LRRC9: variants seen among roughly 807,000 people sequenced by gnomAD.
LRRC9 encodes leucine-rich repeat-containing protein 9.
Under a neutral mutation model 63.2 loss-of-function variants are expected in LRRC9, and 122 were observed. The ratio of observed to expected loss-of-function variants is 1.93; its 90% CI spans 1.67 to 2.24. The LOEUF is 2.24. LRRC9 is among the 30% of genes most tolerant of loss of function. The pLI, the probability that LRRC9 is intolerant of heterozygous loss-of-function variation, is 0.00. For synonymous variants in LRRC9, 366 were observed against 213.1 expected, an observed-to-expected ratio of 1.72 and a Z score of -6.25; for missense variants, 1,071 against 627.7, an observed-to-expected ratio of 1.71 and a Z score of -7.55.
Position 59,995,908 on chromosome 14 carries a change from A to G in LRRC9, c.2212-1748A>G, listed in dbSNP as rs779209160. ...CAGGTATGCGCCACGATGCCCAGCT[A>G]ATTTTTGTATTTTTCGTAGAGATGG... On this transcript the variant is annotated intron_variant, in intron 17 of 31. Coordinates refer to ENST00000445360, the Ensembl canonical transcript of LRRC9. Among the ~76,000 whole-genome samples, 71 of 151,934 alleles carry G rather than the reference A, an allele frequency of 4.7e-4. 1 individual carries two copies. Among genetic ancestry groups the G allele is most frequent in the Admixed American group, 7.2e-4 (11 of 15,252 alleles).
chr14:59,931,139 G>T (rs1889668605), intron 4 of LRRC9, 81 bp downstream of exon 4: 1 of 309,680 alleles, frequency 3.2e-6, no homozygotes, highest in Middle Eastern at 6.7e-4. Flanking sequence ...AGATCATATT[G>T]TGGTTAAAGG....
chr14:59,999,643 C>G (rs1182713743), intron 19 of LRRC9, among the ~76,000 whole-genome samples: 2 of 152,042 alleles, frequency 1.3e-5, no homozygotes, highest in African/African-American at 4.8e-5. Context: ...AATCCATTAA[C>G]ATGGAAGGAG....
Position 60,016,808 on chromosome 14 carries a change from T to C in LRRC9, c.3317+18T>C. The C allele has an allele frequency of 1.5e-6, 1 of 657,114 alleles. No individual in the cohort carries two copies. Among genetic ancestry groups the C allele is most frequent in the Non-Finnish European group, 2.8e-6 (1 of 353,846 alleles). 40.7% of individuals were successfully genotyped at this position (657,114 alleles called of 1,614,324 possible). A position where few individuals can be genotyped will look rare whatever the true frequency, so the allele number is the denominator to read the frequency against. ...TCTATTAGGTACAATCATTTTATTA[T>C]ATGCCTTTTTACATTATAATTACAT... On this transcript the variant is annotated intron_variant, in intron 24 of 31. Coordinates refer to ENST00000445360, the Ensembl canonical transcript of LRRC9.
intron 17 of LRRC9, among the ~76,000 whole-genome samples, chr14:59,991,496 C>T (rs1219266687): frequency 6.6e-6 from 1 of 152,180 alleles, no homozygotes; most frequent in African/African-American, 2.4e-5. Context: ...GCACACCGAG[C>T]GTGAGCCGAA....
rs564427196 is a variant in LRRC9 at position 59,922,966 on chromosome 14, T to A, written c.-34+3083T>A. On this transcript the variant is annotated intron_variant, in intron 1 of 31. Transcript: ENST00000445360. The surrounding 1 kb of genome is among the most constrained non-coding windows in gnomAD (Gnocchi z 5.3). ...AAGTGGAAAGATTAATCCTATGCAG[T>A]TTGAGGTGTAAAAGCTATAGAAGTT... 1.3e-5 allele frequency among the ~76,000 whole-genome samples: 2 copies of A among 152,370 alleles called. No individual in the cohort carries two copies. The highest frequency in any genetic ancestry group is 4.8e-5 in the African/African-American group (2 of 41,596).
chr14:59,959,905 C>G (rs898037809), exon 9 of LRRC9: 30 of 700,666 alleles, frequency 4.3e-5, no homozygotes, highest in Non-Finnish European at 7.3e-5. Context: ...TCCTGAAACA[C>G]TGAAGAGTTG....
intron 8 of LRRC9, among the ~76,000 whole-genome samples, chr14:59,956,613 A>C (rs1594869040): frequency 1.3e-5 from 2 of 152,182 alleles, no homozygotes; most frequent in South Asian, 2.1e-4. Context: ...TGTGCCTTTT[A>C]ATTGGGGCAT....
chr14:60,035,190 G>T (rs1035441393), intron 29 of LRRC9, among the ~76,000 whole-genome samples: 3 of 150,646 alleles, frequency 2.0e-5, no homozygotes, highest in Non-Finnish European at 4.4e-5. Context: ...TTTAAAATTT[G>T]ATTATTTATT....
intron 30 of LRRC9, among the ~76,000 whole-genome samples, chr14:60,056,939 G>T (rs985339602): frequency 6.6e-6 from 1 of 152,116 alleles, no homozygotes; most frequent in African/African-American, 2.4e-5. Flanking sequence ...CATTTTGGGG[G>T]TTTAGTTTCA....
At chr14:60,016,811 G>T in intron 24 of LRRC9, 21 bp downstream of exon 24, 3 of 640,472 alleles carry the variant, frequency 4.7e-6, no homozygotes, top group Non-Finnish European at 5.8e-6. Context: ...TTTATTATAT[G>T]CCTTTTTACA....
chr14:59,959,235 G>T (rs1049936934), intron 8 of LRRC9, among the ~76,000 whole-genome samples: 29 of 152,044 alleles, frequency 1.9e-4, no homozygotes, highest in East Asian at 9.6e-4. Context: ...AATGCAAAAA[G>T]TTCATTATGA....
intron 12 of LRRC9, chr14:59,969,334 C>G (rs949875012): frequency 1.3e-5 from 2 of 152,046 alleles, no homozygotes; most frequent in Admixed American, 6.6e-5. Flanking sequence ...ATGGGAATAC[C>G]ACAGGTTAAA....
chr14:60,023,931 A>G (rs1018815014), intron 27 of LRRC9, among the ~76,000 whole-genome samples: 3 of 58,278 alleles, frequency 5.1e-5, no homozygotes, highest in African/African-American at 1.4e-4. Flanking sequence ...TTTGCTGAGA[A>G]TGATGGTTTC....
At chr14:59,946,160 T>A (rs1882361956) in intron 8 of LRRC9, among the ~76,000 whole-genome samples, 1 of 151,298 alleles carries the variant, frequency 6.6e-6, no homozygotes, top group South Asian at 2.1e-4. Context: ...AAGAGAAGAG[T>A]TATATACTCA....
In LRRC9 at chr14:60,018,550, G is replaced by A. The variant is rs115651826; in HGVS notation, c.3426+71G>A. 1.6e-3 allele frequency: 916 copies of A among 587,848 alleles called. 6 individuals are homozygous for A. Among genetic ancestry groups the A allele is most frequent in the African/African-American group, 0.015 (789 of 53,078 alleles). The allele number at this position is 587,848 out of a possible 1,614,324, so 36.4% of individuals were successfully genotyped here. ...AATTATTCTTTGCTTTGGATTAAAT[G>A]GTATTTCCATGTTATTAAAGTAGAT... On this transcript the variant is annotated intron_variant, in intron 25 of 31. Coordinates refer to ENST00000445360, the Ensembl canonical transcript of LRRC9.
chr14:59,965,288 C>A (rs550632948), intron 10 of LRRC9, among the ~76,000 whole-genome samples: 1 of 152,248 alleles, frequency 6.6e-6, no homozygotes, highest in African/African-American at 2.4e-5. Flanking sequence ...GATCAAATAT[C>A]TTAACGTCTC....
intron 3 of LRRC9, among the ~76,000 whole-genome samples, chr14:59,929,734 C>A (rs1336181266): frequency 1.3e-5 from 2 of 152,078 alleles, no homozygotes; most frequent in Non-Finnish European, 2.9e-5. Flanking sequence ...CCATGGAATA[C>A]CATGCAGCCA....
At chr14:59,967,257 G>A (rs986071979) in intron 12 of LRRC9, 44 bp downstream of exon 12, 2 of 534,672 alleles carry the variant, frequency 3.7e-6, no homozygotes, top group Non-Finnish European at 7.0e-6. Flanking sequence ...TTCCTAGCAA[G>A]TGGAGCTCTG....
chr14:59,931,682 G>T (rs1358979176), exon 5 of LRRC9: 3 of 691,974 alleles, frequency 4.3e-6, no homozygotes, highest in African/African-American at 1.8e-5. Context: ...AAATAGCATT[G>T]GTATGTACTA....
Sources: gnomAD v4.1 joint callset for allele counts (sites outside exome capture counted in the v4.1 genomes callset) on GRCh38, gnomAD v4.1.1 for gene constraint, Gnocchi (gnomAD v3.1) non-coding constraint, MANE v1.5 for transcripts, NCBI Gene and HGNC (gene_info 2026-07-23, HGNC 2026-07-21) for gene names.